RANBP2: variants seen among roughly 807,000 people sequenced by gnomAD.
RANBP2 encodes the protein E3 SUMO-protein ligase RanBP2.
A neutral mutation model predicts 303.6 loss-of-function variants in RANBP2; 57 were observed. That is an observed-to-expected ratio of 0.19 (90% CI 0.15 to 0.23). The LOEUF (loss-of-function observed/expected upper bound fraction) is 0.23. RANBP2 is among the 10% of genes least tolerant of loss of function. The pLI is 1.00. For synonymous variants in RANBP2, 1,167 were observed against 1,301.5 expected, an observed-to-expected ratio of 0.90 and a Z score of 2.23; for missense variants, 3,138 against 3,780.8, an observed-to-expected ratio of 0.83 and a Z score of 4.46.
At chr2:109,475,882 A>C in the RANBP2 span, among the ~76,000 whole-genome samples, 2 of 152,168 alleles carry the variant, frequency 1.3e-5, no homozygotes, top group Non-Finnish European at 2.9e-5. Flanking sequence ...TAAGCAACTC[A>C]TTTCTCTTTC....
At chr2:108,871,659 T>C in the RANBP2 span, among the ~76,000 whole-genome samples, 1 of 152,300 alleles carries the variant, frequency 6.6e-6, no homozygotes, top group East Asian at 1.9e-4. Flanking sequence ...AAATTTACCA[T>C]TTTAACCATT....
At chr2:108,984,430 C>T in the RANBP2 span, among the ~76,000 whole-genome samples, 1 of 152,294 alleles carries the variant, frequency 6.6e-6, no homozygotes, top group African/African-American at 2.4e-5. Context: ...AGCCCAGCCC[C>T]CTTGCCACGG....
the RANBP2 span, among the ~76,000 whole-genome samples, chr2:109,103,688 T>C: frequency 6.6e-6 from 1 of 152,248 alleles, no homozygotes; most frequent in African/African-American, 2.4e-5. Context: ...ATGTTTCCTG[T>C]TCAGACCTTT....
At chr2:108,833,636 G>C in the RANBP2 span, among the ~76,000 whole-genome samples, 1 of 151,920 alleles carries the variant, frequency 6.6e-6, no homozygotes, top group Non-Finnish European at 1.5e-5. Context: ...AAAAAGCAAA[G>C]TGAAAGATAC....
chr2:109,561,103 C>T, the RANBP2 span, among the ~76,000 whole-genome samples: 4 of 152,142 alleles, frequency 2.6e-5, no homozygotes, highest in African/African-American at 4.8e-5. Flanking sequence ...CTCCCCAGGG[C>T]CTCCACAGCT....
the RANBP2 span, among the ~76,000 whole-genome samples, chr2:109,016,745 G>A: frequency 7.2e-3 from 1,094 of 152,366 alleles, 7 homozygotes; most frequent in South Asian, 0.027. Flanking sequence ...CGCCCAGGCA[G>A]GCACATGCAT....
chr2:109,494,200 A>T, the RANBP2 span, among the ~76,000 whole-genome samples: 1 of 152,236 alleles, frequency 6.6e-6, no homozygotes, highest in African/African-American at 2.4e-5. Flanking sequence ...CTATAAAGTC[A>T]TGGGCATCTC....
the RANBP2 span, chr2:109,347,839 T>C: frequency 1.2e-6 from 2 of 1,613,942 alleles, no homozygotes; most frequent in South Asian, 2.2e-5. Flanking sequence ...CCCAGCCAGC[T>C]ATATCCAGTG....
At chr2:109,585,870 A>AT in the RANBP2 span, 3 of 1,565,072 alleles carry the variant, frequency 1.9e-6, no homozygotes, top group Admixed American at 1.7e-5. Flanking sequence ...AACAACAGCA[A>AT]TAAAAAAAAC....
chr2:109,139,613 G>A, the RANBP2 span, among the ~76,000 whole-genome samples: 2 of 152,054 alleles, frequency 1.3e-5, no homozygotes, highest in South Asian at 2.1e-4. Context: ...CTGCTGTCTC[G>A]GTTTGACAAA....
chr2:109,707,843 T>TA, the RANBP2 span, among the ~76,000 whole-genome samples: 1 of 152,200 alleles, frequency 6.6e-6, no homozygotes, highest in Non-Finnish European at 1.5e-5. Context: ...TGTTTAGATG[T>TA]AAATAAAAAA....
intron 17 of RANBP2, among the ~76,000 whole-genome samples, chr2:108,756,766 G>C (rs1384143830): frequency 6.6e-6 from 1 of 152,118 alleles, no homozygotes; most frequent in Non-Finnish European, 1.5e-5. Flanking sequence ...GTGACTGTTT[G>C]GCTTCTTATC....
the RANBP2 span, among the ~76,000 whole-genome samples, chr2:109,072,664 T>C: frequency 6.6e-6 from 1 of 152,200 alleles, no homozygotes; most frequent in Non-Finnish European, 1.5e-5. Flanking sequence ...GCAGTCTGAA[T>C]GAGCATGCAG....
the RANBP2 span, among the ~76,000 whole-genome samples, chr2:109,736,373 C>G: frequency 6.6e-6 from 1 of 152,244 alleles, no homozygotes; most frequent in African/African-American, 2.4e-5. Flanking sequence ...GCCACTTCTT[C>G]AGGCCCCACT....
At chr2:109,412,390 T>G in the RANBP2 span, among the ~76,000 whole-genome samples, 1 of 152,260 alleles carries the variant, frequency 6.6e-6, no homozygotes, top group Non-Finnish European at 1.5e-5. Context: ...CTGGCTGTGC[T>G]TTGCTTGTGC....
the RANBP2 span, among the ~76,000 whole-genome samples, chr2:109,713,025 T>C: frequency 6.6e-6 from 1 of 151,988 alleles, no homozygotes; most frequent in Admixed American, 6.6e-5. Context: ...AAAATCCAAC[T>C]TGAGGGTACA....
chr2:108,810,993 A>C, the RANBP2 span, among the ~76,000 whole-genome samples: 2 of 151,950 alleles, frequency 1.3e-5, no homozygotes, highest in African/African-American at 4.8e-5. Context: ...TGATCTCTGT[A>C]GTCTCTAGTG....
chr2:109,132,078 G>C, the RANBP2 span, among the ~76,000 whole-genome samples: 1 of 152,190 alleles, frequency 6.6e-6, no homozygotes, highest in Non-Finnish European at 1.5e-5. Context: ...CTGTCCATTG[G>C]AATTGCTTGA....
the RANBP2 span, among the ~76,000 whole-genome samples, chr2:109,131,471 G>A: frequency 6.6e-6 from 1 of 152,254 alleles, no homozygotes; most frequent in Non-Finnish European, 1.5e-5. Flanking sequence ...GAATAAGTGG[G>A]TTACCTTCTT....
Sources: gnomAD v4.1 joint callset for allele counts (sites outside exome capture counted in the v4.1 genomes callset) on GRCh38, gnomAD v4.1.1 for gene constraint, MANE v1.5 for transcripts, NCBI Gene and HGNC (gene_info 2026-07-23, HGNC 2026-07-21) for gene names.